The following CD74 variants were observed in gnomAD, a reference collection of about 807,000 sequenced individuals.
CD74 encodes HLA class II histocompatibility antigen gamma chain.
In CD74, 20 loss-of-function variants were observed where a neutral mutation model predicts 37.1. The observed-to-expected ratio is 0.54, with a 90% CI of 0.38 to 0.78. The LOEUF (loss-of-function observed/expected upper bound fraction) is 0.78, where lower values mean the gene tolerates loss of function less well. CD74 is among the 30% of genes least tolerant of loss of function. The pLI is 0.00. For missense variants in CD74, 338 were observed against 389.5 expected (o/e 0.87, Z 1.11); for synonymous variants, 150 against 152.0 (o/e 0.99, Z 0.10).
rs113777653 is a variant in CD74 at position 150,407,327 on chromosome 5, G to T, written c.126-3C>A. On this transcript the variant is annotated splice_region_variant and splice_polypyrimidine_tract_variant and intron_variant, in intron 1 of 8. Coordinates refer to ENST00000009530, the MANE Select transcript of CD74 (RefSeq NM_001025159.3). This position sits in a 1 kb window ranked among gnomAD's most constrained non-coding sequence, Gnocchi z 4.4. ...ACAGGGCTCCGCGGCTGCACTTGCT[G>T]TGGGAGGTGGGGAGGATAGGTCAGA... 6.2e-7 allele frequency: 1 copy of T among 1,603,604 alleles called. No individual in the cohort carries two copies.
rs758379843 is a variant in CD74, at chr5:150,402,199, GT to G, written c.*40del. 214 of 1,593,490 alleles carry G rather than the reference GT, an allele frequency of 1.3e-4. No homozygotes were observed. The highest frequency in any genetic ancestry group is 1.7e-4 in the Non-Finnish European group (197 of 1,169,956). On this transcript the variant is annotated 3_prime_UTR_variant, in exon 9 of 9. Transcript: ENST00000009530. The surrounding 1 kb of genome is among the most constrained non-coding windows in gnomAD (Gnocchi z 4.2). ...TGAAGGGAGCAAGAAAGCTGTAGCT[GT>G]GTGGGGCTGGCAGGATGTTGAAGAC... is the stretch of plus-strand genomic sequence containing the variant.
Position 150,402,472 on chromosome 5 carries a change from C to T in CD74, c.880+91G>A, listed in dbSNP as rs902013089. 1 of 1,130,760 alleles carries T rather than the reference C, an allele frequency of 8.8e-7. No individual in the cohort carries two copies. The highest frequency in any genetic ancestry group is 1.4e-6 in the Non-Finnish European group (1 of 739,320). The allele number at this position is 1,130,760 out of a possible 1,614,324, so 70.0% of individuals were successfully genotyped here. On this transcript the variant is annotated intron_variant, in intron 8 of 8. Transcript: ENST00000009530. This position sits in a 1 kb window ranked among gnomAD's most constrained non-coding sequence, Gnocchi z 4.2. ...ATCCCAGGAATGTTGGAGAGTGGCC[C>T]AGCGTCACACTCCTTCACCTGCCCA...
Position 150,402,645 on chromosome 5 carries a change from C to A in CD74, c.818-20G>T. 6.3e-7 allele frequency: 1 copy of A among 1,592,464 alleles called. No individual in the cohort carries two copies. Among genetic ancestry groups the A allele is most frequent in the Non-Finnish European group, 8.6e-7 (1 of 1,167,070 alleles). On this transcript the variant is annotated intron_variant, in intron 7 of 8. Transcript: ENST00000009530. The surrounding 1 kb of genome is among the most constrained non-coding windows in gnomAD (Gnocchi z 4.2). ...GTGACTCTGCAAAGGAGCAGCAAGT[C>A]CGTTTGTCACTTGAAGTGCAGCCTA...
intron 1 of CD74, among the ~76,000 whole-genome samples, chr5:150,411,455 AG>A (rs1770336678): frequency 6.6e-6 from 1 of 152,244 alleles, no homozygotes; most frequent in African/African-American, 2.4e-5. Flanking sequence ...ACATCTCTGC[AG>A]GGTTCTCCCA....
intron 1 of CD74, among the ~76,000 whole-genome samples, chr5:150,409,961 CTGGCTCATTCTCAT>C (rs1770241616): frequency 6.6e-6 from 1 of 150,856 alleles, no homozygotes; most frequent in Non-Finnish European, 1.5e-5. Context: ...ACATCACAGA[CTGGCTCATTCTCAT>C]TGGCTTGCTG....
intron 4 of CD74, chr5:150,405,478 T>C: frequency 8.7e-7 from 1 of 1,153,310 alleles, no homozygotes; most frequent in Non-Finnish European, 1.1e-6. Context: ...AGGTCTTACC[T>C]GCTCCAGCAG....
Position 150,412,678 on chromosome 5 carries a change from G to A in CD74, c.72C>T (p.Ile24=). 1 of 1,614,082 alleles carries A rather than the reference G, an allele frequency of 6.2e-7. No individual in the cohort carries two copies. Among genetic ancestry groups the A allele is most frequent in the Non-Finnish European group, 8.5e-7 (1 of 1,180,016 alleles). The part of the protein sequence containing the change: ...KPVMDDQRDL[I]SNNEQLPMLG... ...GCATGGGCAGTTGCTCATTGTTGGA[G>A]ATAAGGTCGCGCTGGTCATCCATGA... The change falls in exon 1 of 9, where the codon ATC becomes ATT. Residue 24 remains isoleucine, a synonymous_variant. Coordinates refer to ENST00000009530, the MANE Select transcript of CD74 (RefSeq NM_001025159.3).
chr5:150,410,916 CTGAG>C, intron 1 of CD74, among the ~76,000 whole-genome samples: 1 of 152,206 alleles, frequency 6.6e-6, no homozygotes, highest in Admixed American at 6.5e-5. Flanking sequence ...CTGTAAATCA[CTGAG>C]TGGTCTGAGC....
chr5:150,405,590 T>A, intron 4 of CD74: 1 of 218,268 alleles, frequency 4.6e-6, no homozygotes, highest in Non-Finnish European at 8.0e-6. Context: ...CTTGTCTGTC[T>A]CCCACACTAG....
chr5:150,407,112 G>A lies in CD74; in HGVS notation c.298+40C>T, dbSNP rs1328085104. 1.9e-6 allele frequency: 3 copies of A among 1,598,292 alleles called. No homozygotes were observed. Among genetic ancestry groups the A allele is most frequent in the Non-Finnish European group, 2.6e-6 (3 of 1,167,800 alleles). On this transcript the variant is annotated intron_variant, in intron 2 of 8. Transcript: ENST00000009530. The surrounding 1 kb of genome is among the most constrained non-coding windows in gnomAD (Gnocchi z 4.4). Reference sequence around the variant, plus strand: ...ATGCGGGTCTCTGAGTTGAGGGATGGTGGGAGGTGGGGGGTATCAGGATGT... The same window carrying A: ...ATGCGGGTCTCTGAGTTGAGGGATGATGGGAGGTGGGGGGTATCAGGATGT...
intron 4 of CD74, 182 bp from the exon 5 acceptor site, chr5:150,405,362 AG>A: frequency 1.5e-6 from 2 of 1,305,084 alleles, no homozygotes; most frequent in Non-Finnish European, 1.9e-6. Flanking sequence ...AGGGTAGTCC[AG>A]CTGTTCAGCT....
chr5:150,406,883 C>A lies in CD74; in HGVS notation c.376G>T (p.Gly126Trp). ...QALPMGALPQ[G>W]PMQNATKYGN... ...CACCACCCTGGGGCTGTCCTTACCC[C>A]CTGGGGCAGGGCTCCCATGGGCAGC... The change falls in exon 3 of 9, where the codon GGG becomes TGG. Residue 126 changes from glycine (G) to tryptophan (W), a missense_variant and splice_region_variant. Gly to Trp is a radical substitution (Grantham distance 184, BLOSUM62 -2). Transcript: ENST00000009530. 6.7e-7 allele frequency: 1 copy of A among 1,502,404 alleles called. No homozygotes were observed. The highest frequency in any genetic ancestry group is 8.9e-7 in the Non-Finnish European group (1 of 1,129,512). 93.1% of individuals were successfully genotyped at this position (1,502,404 alleles called of 1,614,324 possible).
In CD74 at chr5:150,404,746, G is replaced by GGT; in HGVS notation, c.557_558dup (p.His187ThrfsTer8). Reference sequence around the variant, plus strand: ...CTGCTCATTTCAAACAGGAGCCAATGGTGCATCCAGCTCTCAAAGACCTAA... The same window carrying GGT: ...CTGCTCATTTCAAACAGGAGCCAATGGTGTGCATCCAGCTCTCAAAGACCTAA... On this transcript the variant is annotated frameshift_variant, in exon 6 of 9. Transcript: ENST00000009530. LOFTEE classifies it high-confidence loss of function. 6.3e-7 allele frequency: 1 copy of GGT among 1,582,906 alleles called. No individual in the cohort carries two copies. The highest frequency in any genetic ancestry group is 8.6e-7 in the Non-Finnish European group (1 of 1,163,838).
At position 150,406,982 on chromosome 5, in the gene CD74, T is replaced by C. The variant is rs756396039; in HGVS notation, c.299-22A>G. 7 of 1,565,692 alleles carry C rather than the reference T, an allele frequency of 4.5e-6. No homozygotes were observed. The African/African-American group carries it at 8.3e-5, about 19-fold the overall frequency. On this transcript the variant is annotated intron_variant, in intron 2 of 8. Transcript: ENST00000009530. Reference sequence around the variant, plus strand: ...GGAGCTGTGGGGACAGGAACGAGGGTAAGTGTGGCCCCGGTGCCCAGGGAG... The same window carrying C: ...GGAGCTGTGGGGACAGGAACGAGGGCAAGTGTGGCCCCGGTGCCCAGGGAG...
chr5:150,405,346 C>T (rs80269358), intron 4 of CD74, 166 bp from the exon 5 acceptor site: 33,235 of 1,354,152 alleles, frequency 0.025, 499 homozygotes, highest in Non-Finnish European at 0.029. Context: ...GGGGAGGGTA[C>T]GGGTAAGGGT....
chr5:150,409,153 G>A (rs568170668), intron 1 of CD74, among the ~76,000 whole-genome samples: 8 of 152,108 alleles, frequency 5.3e-5, no homozygotes, highest in Non-Finnish European at 1.2e-4. Flanking sequence ...AACCCGGGAG[G>A]CGGAGGTTGC....
Position 150,403,269 on chromosome 5 carries a change from G to A in CD74, c.669C>T (p.Val223=), listed in dbSNP as rs764104310. ...CQEEVSHIPA[V]HPGSFRPKCD... ...ACTTGGGCCTGAATGAACCCGGGTG[G>A]ACAGCAGGGATGTGGCTGACCTCTT... is the stretch of plus-strand genomic sequence containing the variant. Residue 223 remains valine (V), a synonymous_variant, in exon 7 of 9, where the codon GTC becomes GTT. Coordinates refer to ENST00000009530, the MANE Select transcript of CD74 (RefSeq NM_001025159.3). The surrounding 1 kb of genome is among the most constrained non-coding windows in gnomAD (Gnocchi z 4.5). 1.2e-6 allele frequency: 2 copies of A among 1,613,918 alleles called. No individual in the cohort carries two copies. Among genetic ancestry groups the A allele is most frequent in the Admixed American group, 3.3e-5 (2 of 60,010 alleles).
chr5:150,404,616 G>C (rs2151176607), intron 6 of CD74, 64 bp downstream of exon 6: 1 of 1,008,874 alleles, frequency 9.9e-7, no homozygotes. Flanking sequence ...CCCGGCCTCA[G>C]CAGCTTCAGG....
Position 150,407,244 on chromosome 5 carries a change from T to G in CD74, c.206A>C (p.Tyr69Ser). 1 of 1,613,620 alleles carries G rather than the reference T, an allele frequency of 6.2e-7. No homozygotes were observed. The change falls in exon 2 of 9, where the codon TAC (tyrosine) becomes TCC (serine). Residue 69 changes from tyrosine (Y) to serine (S), a missense_variant. Tyr to Ser is a moderately radical substitution (Grantham distance 144). Transcript: ENST00000009530. The surrounding 1 kb of genome is among the most constrained non-coding windows in gnomAD (Gnocchi z 4.4). ...CCGGCCCTGCTGCTGGTACAGGAAG[T>G]AGGCGGTGGTGGCCTGGCCAGCGAG... Reference protein sequence around the residue: ...LLLAGQATTAYFLYQQQGRLD... With the variant: ...LLLAGQATTASFLYQQQGRLD...
Sources: allele counts gnomAD v4.1 joint callset (sites outside exome capture counted in the v4.1 genomes callset), GRCh38; gene constraint gnomAD v4.1.1; non-coding constraint Gnocchi (gnomAD v3.1); transcripts MANE v1.5; gene names NCBI Gene and HGNC (gene_info 2026-07-23, HGNC 2026-07-21).